RANBP9: variants seen among roughly 807,000 people sequenced by gnomAD.
RANBP9 encodes ran-binding protein 9.
In RANBP9, 15 loss-of-function variants were observed where a neutral mutation model predicts 84.3. The ratio of observed to expected loss-of-function variants is 0.18; its 90% CI spans 0.12 to 0.27. The LOEUF is 0.27. Among genes scored for constraint, RANBP9 ranks in the 10% least tolerant of loss-of-function variants. The pLI, the probability that RANBP9 is intolerant of heterozygous loss-of-function variation, is 1.00. For synonymous variants in RANBP9, 392 were observed against 349.6 expected (o/e 1.12, Z -1.35); for missense variants, 809 against 912.8 (o/e 0.89, Z 1.46).
intron 1 of RANBP9, 136 bp downstream of exon 1, chr6:13,710,799 G>T: frequency 1.1e-6 from 1 of 943,858 alleles, no homozygotes; most frequent in Admixed American, 3.0e-5. Flanking sequence ...ACCCGGAGCA[G>T]CACAACAGGC....
chr6:13,707,266 A>G (rs980930671), intron 1 of RANBP9, among the ~76,000 whole-genome samples: 28 of 152,078 alleles, frequency 1.8e-4, no homozygotes, highest in African/African-American at 6.3e-4. Context: ...CGATCCTTCT[A>G]CTTTGGCCTC....
At chr6:13,709,086 G>C (rs544679709) in intron 1 of RANBP9, among the ~76,000 whole-genome samples, 56 of 152,288 alleles carry the variant, frequency 3.7e-4, no homozygotes, top group African/African-American at 1.2e-3. Flanking sequence ...AACTGAGACA[G>C]CAGTGTCAGA....
intron 5 of RANBP9, among the ~76,000 whole-genome samples, chr6:13,648,354 G>C (rs895591762): frequency 3.3e-5 from 5 of 151,834 alleles, no homozygotes; most frequent in Non-Finnish European, 7.4e-5. Flanking sequence ...CACCATGTTG[G>C]CCAGGATAGT....
intron 1 of RANBP9, among the ~76,000 whole-genome samples, chr6:13,697,429 T>C (rs1757865917): frequency 6.6e-6 from 1 of 152,246 alleles, no homozygotes; most frequent in Non-Finnish European, 1.5e-5. Context: ...TATAGTCTTA[T>C]TAATTAAAGC....
At chr6:13,697,528 G>A (rs566728684) in intron 1 of RANBP9, among the ~76,000 whole-genome samples, 2 of 152,140 alleles carry the variant, frequency 1.3e-5, no homozygotes, top group African/African-American at 4.8e-5. Context: ...AACAACAGAA[G>A]TAACACCATG....
Position 13,648,340 on chromosome 6 carries a change from G to A in RANBP9, c.928-3611C>T, listed in dbSNP as rs555792998. 4.6e-5 allele frequency among the ~76,000 whole-genome samples: 7 copies of A among 151,880 alleles called. No individual in the cohort carries two copies. In the South Asian group the frequency reaches 1.0e-3, roughly 23 times the overall value. On this transcript the variant is annotated intron_variant, in intron 5 of 13. Coordinates refer to ENST00000011619, the MANE Select transcript of RANBP9 (RefSeq NM_005493.3). The stretch of plus-strand genomic sequence containing the variant: ...TTTTTGTATTTTTAGTAGAGACGGG[G>A]TTTCACCATGTTGGCCAGGATAGTC...
intron 2 of RANBP9, among the ~76,000 whole-genome samples, chr6:13,674,579 CTG>C (rs949994286): frequency 2.0e-5 from 3 of 152,188 alleles, no homozygotes; most frequent in Non-Finnish European, 4.4e-5. Flanking sequence ...CAAACTGTGT[CTG>C]TTGCCCAGAA....
intron 1 of RANBP9, among the ~76,000 whole-genome samples, chr6:13,705,437 A>T (rs1430753323): frequency 1.4e-5 from 2 of 145,338 alleles, no homozygotes; most frequent in Non-Finnish European, 3.0e-5. Flanking sequence ...AAAAAAAAAG[A>T]ATATACATTA....
At chr6:13,679,240 G>C (rs969729171) in intron 2 of RANBP9, among the ~76,000 whole-genome samples, 2 of 152,096 alleles carry the variant, frequency 1.3e-5, no homozygotes, top group African/African-American at 2.4e-5. Context: ...TTCTTCAGCT[G>C]CATCTTTCTC....
chr6:13,710,386 T>C (rs965245917), intron 1 of RANBP9, among the ~76,000 whole-genome samples: 3 of 152,268 alleles, frequency 2.0e-5, no homozygotes, highest in East Asian at 1.9e-4. Context: ...CTAAAATATA[T>C]TGATGGCAAA....
intron 13 of RANBP9, among the ~76,000 whole-genome samples, chr6:13,623,817 A>C (rs1764526584): frequency 6.6e-6 from 1 of 152,194 alleles, no homozygotes; most frequent in Admixed American, 6.5e-5. Context: ...ATTAAGCACT[A>C]TTTATGGCTG....
At chr6:13,686,723 G>A (rs1016228132) in intron 2 of RANBP9, among the ~76,000 whole-genome samples, 2 of 152,204 alleles carry the variant, frequency 1.3e-5, no homozygotes, top group African/African-American at 4.8e-5. Context: ...CAAATTGGCA[G>A]TGTATTACTT....
At chr6:13,650,144 TTTG>T (rs923845812) in intron 5 of RANBP9, among the ~76,000 whole-genome samples, 33 of 151,730 alleles carry the variant, frequency 2.2e-4, no homozygotes, top group South Asian at 1.2e-3. Flanking sequence ...GGCAGGGTTT[TTTG>T]TTGTTGTTGT....
chr6:13,706,654 C>T (rs1472930206), intron 1 of RANBP9, among the ~76,000 whole-genome samples: 6 of 149,400 alleles, frequency 4.0e-5, no homozygotes, highest in Admixed American at 6.7e-5. Context: ...GATGGCGCCA[C>T]TGTACTCCAG....
At chr6:13,705,086 T>C (rs1758068243) in intron 1 of RANBP9, among the ~76,000 whole-genome samples, 1 of 152,128 alleles carries the variant, frequency 6.6e-6, no homozygotes, top group South Asian at 2.1e-4. Flanking sequence ...GAAAAACACA[T>C]ATAAATTGTC....
intron 2 of RANBP9, among the ~76,000 whole-genome samples, chr6:13,687,748 C>T (rs1435952625): frequency 1.3e-5 from 2 of 152,190 alleles, no homozygotes; most frequent in African/African-American, 2.4e-5. Flanking sequence ...TTTATTATTA[C>T]AATAACCCAA....
intron 1 of RANBP9, among the ~76,000 whole-genome samples, chr6:13,709,227 G>A (rs1758210236): frequency 6.6e-6 from 1 of 152,108 alleles, no homozygotes; most frequent in South Asian, 2.1e-4. Context: ...ACGAATCTTA[G>A]ACATCACGGA....
intron 11 of RANBP9, among the ~76,000 whole-genome samples, chr6:13,632,962 ACAG>A (rs1489241193): frequency 6.6e-6 from 1 of 152,140 alleles, no homozygotes; most frequent in East Asian, 1.9e-4. Context: ...CAATAAAAAT[ACAG>A]AAGACAGCAT....
chr6:13,650,257 A>T (rs2127768164), intron 5 of RANBP9, among the ~76,000 whole-genome samples: 1 of 151,530 alleles, frequency 6.6e-6, no homozygotes, highest in South Asian at 2.1e-4. Flanking sequence ...CACCTCAGAC[A>T]CCCAGAGCCA....
Sources: gnomAD v4.1 joint callset for allele counts (sites outside exome capture counted in the v4.1 genomes callset) on GRCh38, gnomAD v4.1.1 for gene constraint, MANE v1.5 for transcripts, NCBI Gene and HGNC (gene_info 2026-07-23, HGNC 2026-07-21) for gene names.